ATP1A4: variants seen among roughly 807,000 people sequenced by gnomAD.
The protein encoded by ATP1A4 is sodium/potassium-transporting ATPase subunit alpha-4.
Under a neutral mutation model 114.3 loss-of-function variants are expected in ATP1A4, and 90 were observed. The ratio of observed to expected loss-of-function variants is 0.79; its 90% CI spans 0.66 to 0.94. The LOEUF (loss-of-function observed/expected upper bound fraction) is 0.94. Ranked by LOEUF, ATP1A4 falls within the 40% of genes least tolerant of loss-of-function variation. The probability of loss-of-function intolerance (pLI) is 0.00; values close to 1 mark genes in which losing one functional copy is unlikely to be tolerated. For missense variants in ATP1A4, 1,222 were observed against 1,313.6 expected, an observed-to-expected ratio of 0.93 and a Z score of 1.08; for synonymous variants, 511 against 494.1, an observed-to-expected ratio of 1.03 and a Z score of -0.45.
intron 18 of ATP1A4, among the ~76,000 whole-genome samples, chr1:160,179,841 G>T (rs1466298545): frequency 6.6e-6 from 1 of 152,192 alleles, no homozygotes; most frequent in Admixed American, 6.5e-5. Context: ...TCAAGATATT[G>T]TAAGTCCAAG....
chr1:160,172,119 G>A (rs112702124), intron 12 of ATP1A4, among the ~76,000 whole-genome samples: 268 of 152,266 alleles, frequency 1.8e-3, no homozygotes, highest in East Asian at 3.5e-3. Flanking sequence ...TCAGACCAAC[G>A]TGCGTGCAGA....
rs546811770 is a variant in ATP1A4, at chr1:160,181,816, T to C, written c.2867+2T>C. On this transcript the variant is annotated splice_donor_variant, in intron 19 of 21. Transcript: ENST00000368081. LOFTEE classifies it high-confidence loss of function. The stretch of plus-strand genomic sequence containing the variant: ...CTCACTTTTCCAGCAGGGCATGAGG[T>C]GAACATCTCACAAAACAGCCCAGCA... The C allele has an allele frequency of 1.3e-6, 2 of 1,585,058 alleles. No individual in the cohort carries two copies. Among genetic ancestry groups the C allele is most frequent in the Admixed American group, 1.8e-5 (1 of 55,604 alleles).
At chr1:160,171,542 G>A in intron 11 of ATP1A4, 43 bp from the exon 12 acceptor site, 1 of 1,603,552 alleles carries the variant, frequency 6.2e-7, no homozygotes, top group Non-Finnish European at 8.5e-7. Context: ...TAGGAATGTA[G>A]AGTGCTGGAT....
At chr1:160,171,144 T>TG in intron 10 of ATP1A4, 107 bp from the exon 11 acceptor site, 2 of 1,017,402 alleles carry the variant, frequency 2.0e-6, no homozygotes, top group Non-Finnish European at 2.9e-6. Context: ...ACAAAAGAAA[T>TG]GGGGGTATGA....
At chr1:160,175,084 CT>C (rs1187898096) in intron 15 of ATP1A4, among the ~76,000 whole-genome samples, 1 of 152,280 alleles carries the variant, frequency 6.6e-6, no homozygotes, top group African/African-American at 2.4e-5. Context: ...AGCCACACCC[CT>C]GGGACTATTC....
Position 160,171,670 on chromosome 1 carries a change from T to C in ATP1A4, c.1767T>C (p.Leu589=). 6.2e-7 allele frequency: 1 copy of C among 1,614,056 alleles called. No homozygotes were observed. The highest frequency in any genetic ancestry group is 2.2e-5 in the East Asian group (1 of 44,870). ...AAATAAATTTCCCCATGGACAACCT[T>C]TGTTTTGTGGGCCTCATATCCATGA... ...TDEINFPMDN[L]CFVGLISMID... is the part of the protein sequence containing the mutation. The change falls in exon 12 of 22, where the codon CTT becomes CTC. Residue 589 remains leucine, a synonymous_variant. Coordinates refer to ENST00000368081, the MANE Select transcript of ATP1A4 (RefSeq NM_144699.4).
At chr1:160,156,010 TC>T in intron 3 of ATP1A4, 34 bp from the exon 4 acceptor site, 2 of 1,282,338 alleles carry the variant, frequency 1.6e-6, no homozygotes, top group Non-Finnish European at 2.3e-6. Flanking sequence ...GACGACAAGG[TC>T]CCACTGATAA....
chr1:160,184,734 A>G (rs1375013510), intron 20 of ATP1A4, among the ~76,000 whole-genome samples: 1 of 152,190 alleles, frequency 6.6e-6, no homozygotes, highest in Non-Finnish European at 1.5e-5. Flanking sequence ...TGTGGCTCAC[A>G]TTATATTTCT....
intron 2 of ATP1A4, 83 bp from the exon 3 acceptor site, chr1:160,154,962 G>A (rs1652586295): frequency 3.0e-6 from 4 of 1,321,258 alleles, no homozygotes; most frequent in East Asian, 2.3e-5. Context: ...CCCATTCTGG[G>A]GCTCCAAATG....
At chr1:160,180,680 C>CTCTGCCT (rs1653651513) in intron 18 of ATP1A4, among the ~76,000 whole-genome samples, 1 of 145,940 alleles carries the variant, frequency 6.9e-6, no homozygotes, top group African/African-American at 2.6e-5. Flanking sequence ...TATCCCCTGA[C>CTCTGCCT]TCTGCCTTCT....
intron 15 of ATP1A4, 69 bp downstream of exon 15, chr1:160,174,816 C>T: frequency 6.3e-7 from 1 of 1,592,180 alleles, no homozygotes; most frequent in Non-Finnish European, 8.6e-7. Context: ...TGTACATCCC[C>T]TCTTTCCGTT....
rs757910627 is a variant in ATP1A4, at chr1:160,164,293, G to C, written c.916G>C (p.Val306Leu). The change falls in exon 7 of 22, where the codon GTG becomes CTG. Residue 306 changes from valine (V) to leucine (L), a missense_variant. Val to Leu is a conservative substitution (Grantham distance 32). Coordinates refer to ENST00000368081, the MANE Select transcript of ATP1A4 (RefSeq NM_144699.4). Reference protein sequence around the residue: ...IEHFIHLITVVAVFLGVTFFA... With the variant: ...IEHFIHLITVLAVFLGVTFFA... ...ACACTTCATCCATCTGATCACTGTGGTGGCCGTCTTCCTTGGTGTCACTTT... is the reference window on the plus strand; with the variant it reads ...ACACTTCATCCATCTGATCACTGTGCTGGCCGTCTTCCTTGGTGTCACTTT... 1 of 1,614,052 alleles carries C rather than the reference G, an allele frequency of 6.2e-7. No individual in the cohort carries two copies. Among genetic ancestry groups the C allele is most frequent in the Non-Finnish European group, 8.5e-7 (1 of 1,180,036 alleles).
chr1:160,170,115 C>T (rs569830442), intron 10 of ATP1A4: 1 of 152,186 alleles, frequency 6.6e-6, no homozygotes, highest in Non-Finnish European at 1.5e-5. Context: ...ATGGTGAAAC[C>T]CCCATCTCTG....
intron 9 of ATP1A4, 97 bp from the exon 10 acceptor site, chr1:160,167,181 G>T: frequency 5.7e-6 from 6 of 1,049,854 alleles, no homozygotes; most frequent in Non-Finnish European, 8.5e-6. Context: ...CCAGGTACCC[G>T]CCCTCCCCAT....
Position 160,186,291 on chromosome 1 carries a change from C to T in ATP1A4, c.2985C>T (p.Leu995=). 6.2e-7 allele frequency: 1 copy of T among 1,612,986 alleles called. No individual in the cohort carries two copies. The highest frequency in any genetic ancestry group is 1.1e-5 in the South Asian group (1 of 91,060). Residue 995 remains leucine, a synonymous_variant, in exon 21 of 22, where the codon CTC becomes CTT. Transcript: ENST00000368081. ...RMYPLKITWW[L]CAIPYSILIF... Reference sequence around the variant, plus strand: ...CTCTCTACAGGATAACCTGGTGGCTCTGTGCCATTCCCTACAGTATTCTCA... The same window carrying T: ...CTCTCTACAGGATAACCTGGTGGCTTTGTGCCATTCCCTACAGTATTCTCA...
intron 14 of ATP1A4, 24 bp downstream of exon 14, chr1:160,174,285 A>C (rs371467530): frequency 1.6e-5 from 26 of 1,613,912 alleles, no homozygotes; most frequent in Non-Finnish European, 1.7e-6. Context: ...AGGAGCCCCA[A>C]GGAAACTGGC....
intron 12 of ATP1A4, 43 bp downstream of exon 12, chr1:160,171,800 T>C (rs759856196): frequency 1.3e-6 from 2 of 1,594,788 alleles, no homozygotes; most frequent in Admixed American, 1.8e-5. Flanking sequence ...CTGTCACAAG[T>C]TGAAGCATCT....
In ATP1A4 at chr1:160,159,523, G is replaced by A; in HGVS notation, c.775G>A (p.Glu259Lys). ...CTGCTTCTTTTCCACCAACTGTGTG[G>A]AAGGTGAATATCGAACCATAAGTAG... is the stretch of plus-strand genomic sequence containing the variant. ...NICFFSTNCV[E>K]GTARGIVIAT... Residue 259 changes from glutamate (E) to lysine (K), a missense_variant, in exon 6 of 22, where the codon GAA becomes AAA. By Grantham distance (56) the Glu-to-Lys change is moderately conservative (BLOSUM62 1). Transcript: ENST00000368081. The A allele has an allele frequency of 6.2e-7, 1 of 1,611,520 alleles. No individual in the cohort carries two copies. The highest frequency in any genetic ancestry group is 8.5e-7 in the Non-Finnish European group (1 of 1,178,572).
rs1310572776 is a variant in ATP1A4 at position 160,155,219 on chromosome 1, T to C, written c.382T>C (p.Tyr128His). 4.3e-6 allele frequency: 7 copies of C among 1,613,526 alleles called. No individual in the cohort carries two copies. The highest frequency in any genetic ancestry group is 4.2e-6 in the Non-Finnish European group (5 of 1,179,912). ...LCFVAYSIQI[Y>H]FNEEPTKDNL... ...CTTTGTGGCCTACAGCATCCAGATATATTTCAATGAGGAGCCTACCAAAGA... is the reference window on the plus strand; with the variant it reads ...CTTTGTGGCCTACAGCATCCAGATACATTTCAATGAGGAGCCTACCAAAGA... Residue 128 changes from tyrosine (Y) to histidine (H), a missense_variant, in exon 3 of 22, where the codon TAT becomes CAT. Physicochemically the swap from Tyr to His is moderately conservative, Grantham distance 83 (BLOSUM62 2). Transcript: ENST00000368081.
Sources: gnomAD v4.1 joint callset for allele counts (sites outside exome capture counted in the v4.1 genomes callset) on GRCh38, gnomAD v4.1.1 for gene constraint, MANE v1.5 for transcripts, NCBI Gene and HGNC (gene_info 2026-07-23, HGNC 2026-07-21) for gene names.